PSMG2: variants seen among roughly 807,000 people sequenced by gnomAD.
PSMG2 encodes the protein CD40 ligand-activated specific transcript 3.
A neutral mutation model predicts 31.5 loss-of-function variants in PSMG2; 21 were observed. The ratio of observed to expected loss-of-function variants is 0.67; its 90% CI spans 0.47 to 0.96. The LOEUF (loss-of-function observed/expected upper bound fraction) is 0.96. Among genes scored for constraint, PSMG2 ranks in the 40% least tolerant of loss-of-function variants. The pLI is 0.00. For missense variants in PSMG2, 318 were observed against 321.2 expected, an observed-to-expected ratio of 0.99 and a Z score of 0.08; for synonymous variants, 120 against 110.4, an observed-to-expected ratio of 1.09 and a Z score of -0.54.
chr18:12,662,768 C>A (rs1199582362), intron 1 of PSMG2, among the ~76,000 whole-genome samples: 2 of 152,062 alleles, frequency 1.3e-5, no homozygotes, highest in Non-Finnish European at 2.9e-5. Context: ...TAGAGTGAGA[C>A]CTTGTCTCAA....
upstream of PSMG2, chr18:12,702,404 C>G: frequency 9.4e-7 from 1 of 1,066,138 alleles, no homozygotes; most frequent in Non-Finnish European, 1.4e-6. Context: ...AAGCAGATGC[C>G]GCTGTCGGCC....
At chr18:12,692,679 CTTA>C (rs967959640) in intron 1 of PSMG2, among the ~76,000 whole-genome samples, 7 of 152,168 alleles carry the variant, frequency 4.6e-5, no homozygotes, top group Non-Finnish European at 2.9e-5. Context: ...TGTTTGCTGA[CTTA>C]TTGTTTCTCC....
intron 5 of PSMG2, 174 bp from the exon 6 acceptor site, chr18:12,724,325 T>C (rs1041422393): frequency 3.4e-6 from 2 of 588,826 alleles, no homozygotes; most frequent in Admixed American, 3.9e-5. Flanking sequence ...AGGGGCCTGC[T>C]CTCACAAGTA....
At chr18:12,716,193 T>C (rs987932518) in intron 3 of PSMG2, among the ~76,000 whole-genome samples, 7 of 152,232 alleles carry the variant, frequency 4.6e-5, no homozygotes, top group African/African-American at 1.7e-4. Context: ...TGAATAGTGC[T>C]GCTAAGATTA....
chr18:12,698,939 G>T, upstream of PSMG2: 1 of 1,358,096 alleles, frequency 7.4e-7, no homozygotes, highest in Non-Finnish European at 1.0e-6. Flanking sequence ...ACATAACAAA[G>T]ATTTACTCAA....
At chr18:12,719,711 T>TC (rs397858352) in intron 4 of PSMG2, among the ~76,000 whole-genome samples, 8 of 145,910 alleles carry the variant, frequency 5.5e-5, no homozygotes, top group African/African-American at 1.5e-4. Context: ...TTTTTTTTTT[T>TC]CCTCTTTTTT....
At chr18:12,713,318 C>T (rs181883351) in intron 3 of PSMG2, among the ~76,000 whole-genome samples, 166 of 152,190 alleles carry the variant, frequency 1.1e-3, no homozygotes, top group African/African-American at 3.8e-3. Context: ...AAAAGGGGCT[C>T]GCTTCCTGAT....
Position 12,668,040 on chromosome 18 carries a change from G to A in PSMG2, c.-37+9267G>A, listed in dbSNP as rs190562301. Among the ~76,000 whole-genome samples the A allele has an allele frequency of 6.4e-4, 97 of 151,864 alleles. 1 individual carries two copies. The highest frequency in any genetic ancestry group is 1.9e-3 in the African/African-American group (79 of 41,446). On this transcript the variant is annotated intron_variant, in intron 1 of 6. Transcript: ENST00000585331. The stretch of plus-strand genomic sequence containing the variant: ...AGCACTTTGGGAGGCCGAGGCAGGC[G>A]TATCACCTGAGGTCAGGAGTTTGAA...
intron 1 of PSMG2, among the ~76,000 whole-genome samples, chr18:12,688,647 C>T (rs1467626598): frequency 6.6e-6 from 1 of 152,126 alleles, no homozygotes; most frequent in East Asian, 1.9e-4. Flanking sequence ...ATATTTCAAC[C>T]TCTGAATGGG....
intron 3 of PSMG2, among the ~76,000 whole-genome samples, chr18:12,715,819 T>C (rs1018856361): frequency 6.6e-6 from 1 of 152,206 alleles, no homozygotes; most frequent in Non-Finnish European, 1.5e-5. Context: ...ATTTTAACTT[T>C]TTATCGAAGT....
chr18:12,688,885 C>A (rs527970941), intron 1 of PSMG2, among the ~76,000 whole-genome samples: 1 of 152,138 alleles, frequency 6.6e-6, no homozygotes, highest in South Asian at 2.1e-4. Flanking sequence ...GAGGCCGAGG[C>A]GGGCGGGTCA....
chr18:12,701,030 T>A (rs372389330), upstream of PSMG2: 98 of 1,613,824 alleles, frequency 6.1e-5, no homozygotes, highest in Admixed American at 8.3e-5. Context: ...TCAAATCTTC[T>A]GTTGATAAAT....
chr18:12,702,633 A>G, upstream of PSMG2: 1 of 1,437,458 alleles, frequency 7.0e-7, no homozygotes, highest in Non-Finnish European at 9.3e-7. Context: ...GAGCGTTAGG[A>G]GCGACTGGAG....
At chr18:12,677,583 G>A (rs1457612061) in intron 1 of PSMG2, among the ~76,000 whole-genome samples, 5 of 151,330 alleles carry the variant, frequency 3.3e-5, no homozygotes, top group Non-Finnish European at 5.9e-5. Flanking sequence ...AACCTGGGGA[G>A]AAAAATGAAT....
intron 5 of PSMG2, among the ~76,000 whole-genome samples, chr18:12,721,916 A>G (rs548032915): frequency 6.6e-6 from 1 of 152,118 alleles, no homozygotes; most frequent in East Asian, 1.9e-4. Context: ...GGGATTTGAC[A>G]TGTCGTGTTT....
chr18:12,690,058 G>T (rs2039695654), intron 1 of PSMG2, among the ~76,000 whole-genome samples: 1 of 151,402 alleles, frequency 6.6e-6, no homozygotes. Context: ...CCAAGTGCTG[G>T]GATTACAGGC....
intron 1 of PSMG2, among the ~76,000 whole-genome samples, chr18:12,660,241 A>G (rs143489549): frequency 2.0e-5 from 3 of 152,326 alleles, no homozygotes; most frequent in East Asian, 3.9e-4. Flanking sequence ...GGAAGTGAGT[A>G]AAGGAAATCC....
At chr18:12,678,782 C>A (rs905432689) in intron 1 of PSMG2, among the ~76,000 whole-genome samples, 1 of 151,874 alleles carries the variant, frequency 6.6e-6, no homozygotes, top group African/African-American at 2.4e-5. Context: ...ATGGTGAAAC[C>A]CCGTCTCTGC....
intron 1 of PSMG2, among the ~76,000 whole-genome samples, chr18:12,675,778 C>G (rs1043270237): frequency 1.3e-5 from 2 of 151,894 alleles, no homozygotes; most frequent in African/African-American, 4.8e-5. Context: ...AAGCGATTCT[C>G]CTGCCTCAGA....
Sources: gnomAD v4.1 joint callset for allele counts (sites outside exome capture counted in the v4.1 genomes callset) on GRCh38, gnomAD v4.1.1 for gene constraint, MANE v1.5 for transcripts, NCBI Gene and HGNC (gene_info 2026-07-23, HGNC 2026-07-21) for gene names.